The following NETO2 variants were observed in gnomAD, a reference collection of about 807,000 sequenced individuals.
NETO2 encodes neuropilin and tolloid-like protein 2.
In NETO2, 28 loss-of-function variants were observed where a neutral mutation model predicts 62.5. The ratio of observed to expected loss-of-function variants is 0.45; its 90% confidence interval spans 0.33 to 0.61. The LOEUF is 0.61. NETO2 is among the 20% of genes least tolerant of loss of function. NETO2 has a pLI of 0.02. For missense variants in NETO2, 548 were observed against 643.2 expected (o/e 0.85, Z 1.60); for synonymous variants, 214 against 219.1 (o/e 0.98, Z 0.21).
In NETO2 at chr16:47,081,713, T is replaced by C. The variant is rs1227385414; in HGVS notation, c.*1508A>G. The C allele has an allele frequency of 6.6e-6, 1 of 152,530 alleles. No homozygotes were observed. Among genetic ancestry groups the C allele is most frequent in the Non-Finnish European group, 1.5e-5 (1 of 67,994 alleles). 9.4% of individuals were successfully genotyped at this position (152,530 alleles called of 1,614,324 possible). ...TTTTAAATGGCATGTCTGTATTACT[T>C]ACAATTTGATAAATGAGTTCCTTTC... is the stretch of plus-strand genomic sequence containing the variant. On this transcript the variant is annotated 3_prime_UTR_variant, in exon 9 of 9. Transcript: ENST00000562435.
At position 47,083,821 on chromosome 16, in the gene NETO2, A is replaced by G; in HGVS notation, c.998-20T>C. On this transcript the variant is annotated intron_variant, in intron 8 of 8. Transcript: ENST00000562435. ...TCTTTTCTGCAGAAAGAAAATGAGA[A>G]ACGTTAAGTTTTCAAAATACATTAA... 1 of 1,534,498 alleles carries G rather than the reference A, an allele frequency of 6.5e-7. No individual in the cohort carries two copies. Among genetic ancestry groups the G allele is most frequent in the Non-Finnish European group, 8.8e-7 (1 of 1,132,244 alleles).
chr16:47,101,849 C>G (rs192333321), intron 7 of NETO2, among the ~76,000 whole-genome samples: 1 of 152,036 alleles, frequency 6.6e-6, no homozygotes, highest in Non-Finnish European at 1.5e-5. Flanking sequence ...TGAAAATGGC[C>G]ATACTGCCCA....
At chr16:47,143,082 C>A (rs1195386732) in intron 1 of NETO2, among the ~76,000 whole-genome samples, 2 of 152,016 alleles carry the variant, frequency 1.3e-5, no homozygotes, top group Non-Finnish European at 2.9e-5. Flanking sequence ...GGCCCCGTTC[C>A]CCGCCGCGAG....
intron 2 of NETO2, 138 bp downstream of exon 2, chr16:47,131,831 G>C: frequency 2.8e-6 from 2 of 702,962 alleles, no homozygotes; most frequent in East Asian, 5.4e-5. Flanking sequence ...AATTGAGGCT[G>C]ATGGGTTGAC....
At chr16:47,116,142 G>GTTTTTTTT (rs150157077) in intron 6 of NETO2, among the ~76,000 whole-genome samples, 2 of 131,510 alleles carry the variant, frequency 1.5e-5, no homozygotes, top group Non-Finnish European at 3.3e-5. Context: ...AGGGTTTTCT[G>GTTTTTTTT]TTTTTTTTTT....
intron 6 of NETO2, among the ~76,000 whole-genome samples, chr16:47,116,362 T>C (rs1252935308): frequency 1.3e-5 from 2 of 152,204 alleles, no homozygotes; most frequent in African/African-American, 4.8e-5. Flanking sequence ...GAGATTTTTA[T>C]CATGAATGGG....
At chr16:47,084,466 A>G (rs1483853564) in intron 8 of NETO2, among the ~76,000 whole-genome samples, 1 of 151,894 alleles carries the variant, frequency 6.6e-6, no homozygotes. Flanking sequence ...GCTCCCCATC[A>G]CTCGCATTAC....
chr16:47,103,624 TA>T (rs1368411653), intron 7 of NETO2, among the ~76,000 whole-genome samples: 1 of 152,074 alleles, frequency 6.6e-6, no homozygotes, highest in Non-Finnish European at 1.5e-5. Context: ...AATATTAATA[TA>T]AAAATCCTCA....
intron 7 of NETO2, among the ~76,000 whole-genome samples, chr16:47,107,729 T>A: frequency 6.6e-6 from 1 of 152,324 alleles, no homozygotes; most frequent in South Asian, 2.1e-4. Context: ...GAGCTTCCAA[T>A]GGCTGAAGCT....
chr16:47,108,485 T>C (rs1053482692), intron 7 of NETO2, among the ~76,000 whole-genome samples: 1 of 152,302 alleles, frequency 6.6e-6, no homozygotes, highest in East Asian at 1.9e-4. Flanking sequence ...CATGATGTAA[T>C]TAGAAGGGCA....
At chr16:47,090,235 C>CA (rs1257123683) in intron 7 of NETO2, among the ~76,000 whole-genome samples, 2 of 152,128 alleles carry the variant, frequency 1.3e-5, no homozygotes, top group African/African-American at 4.8e-5. Context: ...AAATTCTTTA[C>CA]AACTGCTCTC....
Position 47,083,666 on chromosome 16 carries a change from A to G in NETO2, c.1133T>C (p.Met378Thr), listed in dbSNP as rs763007508. The change falls in exon 9 of 9, where the codon ATG becomes ACG. Residue 378 changes from methionine to threonine, a missense_variant. Physicochemically the swap from Met to Thr is moderately conservative, Grantham distance 81 (BLOSUM62 -1). Transcript: ENST00000562435. ...TTTATTAAAAGCGGTTTTGCAAGCC[A>G]TGACCTTTTTTCGAGGCTGTTTCAC... ...VQVKQPRKKV[M>T]ACKTAFNKTG... is the part of the protein sequence containing the mutation. 4.3e-6 allele frequency: 7 copies of G among 1,614,230 alleles called. No homozygotes were observed. Among genetic ancestry groups the G allele is most frequent in the Non-Finnish European group, 5.9e-6 (7 of 1,180,040 alleles).
chr16:47,142,231 T>C (rs538677953), intron 1 of NETO2, among the ~76,000 whole-genome samples: 1 of 152,314 alleles, frequency 6.6e-6, no homozygotes, highest in African/African-American at 2.4e-5. Context: ...TTCAGAGTTG[T>C]TTTCAATTGT....
intron 6 of NETO2, among the ~76,000 whole-genome samples, chr16:47,115,621 T>C (rs1963895325): frequency 6.7e-6 from 1 of 149,740 alleles, no homozygotes; most frequent in Non-Finnish European, 1.5e-5. Context: ...TCCGCCTCCT[T>C]GGCTTAAGTG....
At chr16:47,087,528 T>C (rs1963220152) in intron 7 of NETO2, among the ~76,000 whole-genome samples, 1 of 152,128 alleles carries the variant, frequency 6.6e-6, no homozygotes, top group African/African-American at 2.4e-5. Flanking sequence ...ATAGTGGTAA[T>C]GGTTGCACAA....
chr16:47,139,643 A>C (rs1402590073), intron 1 of NETO2, among the ~76,000 whole-genome samples: 1 of 152,246 alleles, frequency 6.6e-6, no homozygotes, highest in Non-Finnish European at 1.5e-5. Flanking sequence ...AGAACAAAAA[A>C]AGTACCCAAA....
chr16:47,127,177 G>T (rs373608938), intron 4 of NETO2, among the ~76,000 whole-genome samples: 1 of 152,180 alleles, frequency 6.6e-6, no homozygotes, highest in South Asian at 2.1e-4. Context: ...AGATCATGCA[G>T]TTGTCTTACT....
At chr16:47,131,130 G>A (rs1450120505) in intron 2 of NETO2, among the ~76,000 whole-genome samples, 1 of 151,586 alleles carries the variant, frequency 6.6e-6, no homozygotes, top group Non-Finnish European at 1.5e-5. Context: ...GTGACTTAAT[G>A]TAAATCCTGA....
In NETO2 at chr16:47,143,816, C is replaced by G. The variant is rs910080187; in HGVS notation, c.-204G>C. 1 of 564,734 alleles carries G rather than the reference C, an allele frequency of 1.8e-6. No homozygotes were observed. The highest frequency in any genetic ancestry group is 2.5e-6 in the Non-Finnish European group (1 of 397,616). The allele number at this position is 564,734 out of a possible 1,614,324, so 35.0% of individuals were successfully genotyped here. On this transcript the variant is annotated 5_prime_UTR_variant, in exon 1 of 9. Transcript: ENST00000562435. ...TGGGCTCCCGCGCGGCCCGAGCACC[C>G]CGACGGGCGCCGCCTCCTGCTCCGC... is the stretch of plus-strand genomic sequence containing the variant.
Sources: allele counts gnomAD v4.1 joint callset (sites outside exome capture counted in the v4.1 genomes callset), GRCh38; gene constraint gnomAD v4.1.1; transcripts MANE v1.5; gene names NCBI Gene and HGNC (gene_info 2026-07-23, HGNC 2026-07-21).